The following COL13A1 variants were observed in gnomAD, a reference collection of about 807,000 sequenced individuals.
COL13A1 encodes the protein collagen alpha-1(XIII) chain.
A neutral mutation model predicts 130.9 loss-of-function variants in COL13A1; 89 were observed. That is an observed-to-expected ratio of 0.68 (90% confidence interval 0.57 to 0.81). The LOEUF (loss-of-function observed/expected upper bound fraction) is 0.81, where lower values mean the gene tolerates loss of function less well. Among genes scored for constraint, COL13A1 ranks in the 30% least tolerant of loss-of-function variants. COL13A1 has a pLI of 0.00. For synonymous variants in COL13A1, 402 were observed against 341.6 expected (o/e 1.18, Z -1.95); for missense variants, 879 against 934.6 (o/e 0.94, Z 0.78).
At position 69,952,941 on chromosome 10, in the gene COL13A1, G is replaced by T. The variant is rs144348670; in HGVS notation, c.2118G>T (p.Ala706=). The part of the protein sequence containing the change: ...GPKGDKGDQG[A]PGLDAPCPLG... ...AAGGGGATAAGGGAGACCAAGGAGC[G>T]CCTGGATTAGATGCCCCCTGCCCAT... The change falls in exon 39 of 41, where the codon GCG becomes GCT. Residue 706 remains alanine (A), a synonymous_variant. Coordinates refer to ENST00000645393, the MANE Select transcript of COL13A1 (RefSeq NM_001368882.1). The T allele has an allele frequency of 1.3e-6, 2 of 1,554,442 alleles. No homozygotes were observed. Among genetic ancestry groups the T allele is most frequent in the Non-Finnish European group, 1.7e-6 (2 of 1,156,800 alleles).
At chr10:69,903,878 C>G (rs1162565785) in intron 15 of COL13A1, among the ~76,000 whole-genome samples, 3 of 152,140 alleles carry the variant, frequency 2.0e-5, no homozygotes, top group Non-Finnish European at 2.9e-5. Flanking sequence ...TCTAGATGGC[C>G]TGTTTGCATG....
At chr10:69,862,690 C>T (rs574357387) in intron 2 of COL13A1, among the ~76,000 whole-genome samples, 10 of 152,268 alleles carry the variant, frequency 6.6e-5, no homozygotes, top group Non-Finnish European at 1.3e-4. Flanking sequence ...CTTCAAGCTT[C>T]GGGGGCCCAT....
intron 35 of COL13A1, among the ~76,000 whole-genome samples, chr10:69,943,509 G>T (rs71480623): frequency 6.6e-6 from 1 of 152,162 alleles, no homozygotes; most frequent in Admixed American, 6.5e-5. Context: ...CAGAGCTCAT[G>T]ACACGCCTCC....
At chr10:69,877,816 T>C (rs1241799743) in intron 5 of COL13A1, among the ~76,000 whole-genome samples, 1 of 151,704 alleles carries the variant, frequency 6.6e-6, no homozygotes, top group Non-Finnish European at 1.5e-5. Context: ...AGCTGCACAT[T>C]GCAGCAGCGC....
chr10:69,832,790 T>C (rs1009352460), intron 2 of COL13A1, among the ~76,000 whole-genome samples: 9 of 152,184 alleles, frequency 5.9e-5, no homozygotes, highest in African/African-American at 2.2e-4. Context: ...CCAGCCACCA[T>C]GCGGAGCAGG....
At chr10:69,850,118 T>C (rs948187400) in intron 2 of COL13A1, among the ~76,000 whole-genome samples, 2 of 152,128 alleles carry the variant, frequency 1.3e-5, no homozygotes, top group Non-Finnish European at 2.9e-5. Context: ...CTGATCACTT[T>C]GGTTCTCAAC....
chr10:69,818,164 A>T (rs1206745636), intron 1 of COL13A1, among the ~76,000 whole-genome samples: 1 of 152,090 alleles, frequency 6.6e-6, no homozygotes, highest in Non-Finnish European at 1.5e-5. Context: ...TGCCGCTGTT[A>T]TGTCCTAGGG....
chr10:69,810,454 A>G (rs928660718), intron 1 of COL13A1, among the ~76,000 whole-genome samples: 5 of 151,826 alleles, frequency 3.3e-5, no homozygotes, highest in Admixed American at 1.3e-4. Flanking sequence ...CCGGGTCCCA[A>G]GCAGTGCTCA....
chr10:69,877,305 C>T lies in COL13A1; in HGVS notation c.436-734C>T, dbSNP rs2134210921. ...GTTGTTACAAGGGACCCTTGGCCGC[C>T]TAACCAGCCTCCTCTGCATCACTGA... On this transcript the variant is annotated intron_variant, in intron 5 of 40. Coordinates refer to ENST00000645393, the MANE Select transcript of COL13A1 (RefSeq NM_001368882.1). The T allele has an allele frequency of 1.3e-5, 2 of 152,770 alleles. 1 individual carries two copies. Among genetic ancestry groups the T allele is most frequent in the South Asian group, 4.1e-4 (2 of 4,844 alleles). 9.5% of individuals were successfully genotyped at this position (152,770 alleles called of 1,614,324 possible).
intron 2 of COL13A1, among the ~76,000 whole-genome samples, chr10:69,864,060 T>C: frequency 6.6e-6 from 1 of 152,080 alleles, no homozygotes; most frequent in East Asian, 1.9e-4. Context: ...CGGAGTGAGA[T>C]ACTATCTCAA....
intron 31 of COL13A1, among the ~76,000 whole-genome samples, chr10:69,933,549 A>T (rs190734044): frequency 6.6e-6 from 1 of 152,296 alleles, no homozygotes; most frequent in East Asian, 1.9e-4. Flanking sequence ...CCTCAGACCC[A>T]TGGGAGAGAC....
At chr10:69,804,808 G>GAAAAA (rs1266673669) in intron 1 of COL13A1, among the ~76,000 whole-genome samples, 1 of 24,658 alleles carries the variant, frequency 4.1e-5, no homozygotes, top group Non-Finnish European at 8.6e-5. Context: ...CATGTCGTGT[G>GAAAAA]CAAAAAAAAA....
At chr10:69,956,117 T>C (rs1185775113) in intron 39 of COL13A1, 1 of 152,282 alleles carries the variant, frequency 6.6e-6, no homozygotes. Context: ...GCCCTGCCAG[T>C]CTAGCAGACT....
rs974881978 is a variant in COL13A1, at chr10:69,836,209, C to T, written c.364+13771C>T. The stretch of plus-strand genomic sequence containing the variant: ...CCACAGTCCAGGAAGGGGAAACACA[C>T]GGGTAACTCAGTGGCTGCTGCAGAG... On this transcript the variant is annotated intron_variant, in intron 2 of 40. Coordinates refer to ENST00000645393, the MANE Select transcript of COL13A1 (RefSeq NM_001368882.1). Among the ~76,000 whole-genome samples, 13 of 152,358 alleles carry T rather than the reference C, an allele frequency of 8.5e-5. No homozygotes were observed. In the East Asian group the frequency reaches 1.9e-3, roughly 23 times the overall value.
rs192421354 is a variant in COL13A1, at chr10:69,835,581, G to T, written c.364+13143G>T. On this transcript the variant is annotated intron_variant, in intron 2 of 40. Coordinates refer to ENST00000645393, the MANE Select transcript of COL13A1 (RefSeq NM_001368882.1). ...CTGCACCCTCCCACCAGCTCTCCAG[G>T]TTACGACTCACACTGCCCTATTCTC... 3.9e-5 allele frequency among the ~76,000 whole-genome samples: 6 copies of T among 152,262 alleles called. No homozygotes were observed. The East Asian group carries it at 1.2e-3, about 29-fold the overall frequency.
chr10:69,923,216 G>A (rs2064916795), intron 23 of COL13A1, among the ~76,000 whole-genome samples: 1 of 152,222 alleles, frequency 6.6e-6, no homozygotes, highest in Non-Finnish European at 1.5e-5. Flanking sequence ...TTGGCTCTGA[G>A]TAGGTTGCAG....
chr10:69,923,893 G>T, intron 24 of COL13A1, 38 bp downstream of exon 24: 2 of 1,599,400 alleles, frequency 1.3e-6, no homozygotes, highest in Non-Finnish European at 1.7e-6. Flanking sequence ...GCAAGATGAG[G>T]GTCAGCTTGG....
At chr10:69,850,436 C>T (rs896823333) in intron 2 of COL13A1, among the ~76,000 whole-genome samples, 7 of 23,340 alleles carry the variant, frequency 3.0e-4, no homozygotes, top group Non-Finnish European at 5.2e-4. Flanking sequence ...TGGAGCCACA[C>T]GTTAAACTGC....
chr10:69,832,167 A>G (rs1374610601), intron 2 of COL13A1, among the ~76,000 whole-genome samples: 1 of 152,182 alleles, frequency 6.6e-6, no homozygotes, highest in Non-Finnish European at 1.5e-5. Context: ...GCCTACTCCT[A>G]CTTCCCTGAT....
Sources: gnomAD v4.1 joint callset for allele counts (sites outside exome capture counted in the v4.1 genomes callset) on GRCh38, gnomAD v4.1.1 for gene constraint, MANE v1.5 for transcripts, NCBI Gene and HGNC (gene_info 2026-07-23, HGNC 2026-07-21) for gene names.